Variants in PLCB4 observed in about 807,000 individuals in gnomAD.
PLCB4 encodes phospholipase C beta 4.
Under a neutral mutation model 178.8 loss-of-function variants are expected in PLCB4, and 77 were observed. The ratio of observed to expected loss-of-function variants is 0.43; its 90% CI spans 0.36 to 0.52. PLCB4 has a LOEUF of 0.52. PLCB4 is among the 20% of genes least tolerant of loss of function. The pLI is 0.00. For missense variants in PLCB4, 1,024 were observed against 1,453.4 expected (o/e 0.70, Z 4.80); for synonymous variants, 496 against 490.8 (o/e 1.01, Z -0.14).
At position 9,246,423 on chromosome 20, in the gene PLCB4, A is replaced by G. The variant is rs531605449; in HGVS notation, c.-16+28971A>G. On this transcript the variant is annotated intron_variant, in intron 3 of 39. Coordinates refer to ENST00000378473, the MANE Select transcript of PLCB4 (RefSeq NM_001377142.1). The stretch of plus-strand genomic sequence containing the variant: ...CTCCAGCAGATGTACAAACCCAGCT[A>G]TACCAGATTTGTTTTCTGATGAAAA... 4.0e-4 allele frequency among the ~76,000 whole-genome samples: 61 copies of G among 152,330 alleles called. No individual in the cohort carries two copies. In the South Asian group the frequency reaches 0.013, roughly 32 times the overall value.
Position 9,468,631 on chromosome 20 carries a change from C to T in PLCB4, c.3309C>T (p.Ile1103=). 6.2e-7 allele frequency: 1 copy of T among 1,611,238 alleles called. No individual in the cohort carries two copies. Among genetic ancestry groups the T allele is most frequent in the East Asian group, 2.2e-5 (1 of 44,854 alleles). ...TTTCTATGGAAAATAGCAAAGCCATCAGCCAAGATAAATCTATCAAGAATA... is the reference window on the plus strand; with the variant it reads ...TTTCTATGGAAAATAGCAAAGCCATTAGCCAAGATAAATCTATCAAGAATA... ...AKISMENSKA[I]SQDKSIKNKA... is the part of the protein sequence containing the mutation. Residue 1103 remains isoleucine, a synonymous_variant, in exon 36 of 40, where the codon ATC becomes ATT. Coordinates refer to ENST00000378473, the MANE Select transcript of PLCB4 (RefSeq NM_001377142.1).
At chr20:9,111,922 G>A (rs1242878653) in intron 2 of PLCB4, among the ~76,000 whole-genome samples, 2 of 152,166 alleles carry the variant, frequency 1.3e-5, no homozygotes, top group South Asian at 2.1e-4. Flanking sequence ...TGTATTTAAT[G>A]TGTCTTAAAG....
At chr20:9,305,624 T>C (rs2094756915) in intron 3 of PLCB4, among the ~76,000 whole-genome samples, 1 of 152,190 alleles carries the variant, frequency 6.6e-6, no homozygotes, top group Non-Finnish European at 1.5e-5. Flanking sequence ...ATTTCCCATC[T>C]CTCTCTTATT....
intron 14 of PLCB4, 152 bp from the exon 15 acceptor site, chr20:9,387,311 T>C: frequency 2.0e-6 from 1 of 506,342 alleles, no homozygotes; most frequent in Non-Finnish European, 3.5e-6. Context: ...AATGTGGTTT[T>C]AACCTGTATA....
At chr20:9,136,710 T>TATGACAAGAC (rs2092391266) in intron 2 of PLCB4, among the ~76,000 whole-genome samples, 1 of 152,100 alleles carries the variant, frequency 6.6e-6, no homozygotes, top group Non-Finnish European at 1.5e-5. Context: ...TCGATTCCAA[T>TATGACAAGAC]ATGACAAACA....
rs2044784191 is a variant in PLCB4 at position 9,479,937 on chromosome 20, C to T, written c.*928C>T. The T allele has an allele frequency of 6.6e-6, 1 of 152,296 alleles. No individual in the cohort carries two copies. Among genetic ancestry groups the T allele is most frequent in the Admixed American group, 6.6e-5 (1 of 15,262 alleles). 9.4% of individuals were successfully genotyped at this position (152,296 alleles called of 1,614,324 possible). On this transcript the variant is annotated 3_prime_UTR_variant, in exon 40 of 40. Transcript: ENST00000378473. Reference sequence around the variant, plus strand: ...CAGTTAACCTAATGCCAAATAAATACTGGTTAAATAAATGTATGGCACAGA... The same window carrying T: ...CAGTTAACCTAATGCCAAATAAATATTGGTTAAATAAATGTATGGCACAGA...
chr20:9,477,335 G>T (rs948725238), intron 39 of PLCB4, among the ~76,000 whole-genome samples: 1 of 152,118 alleles, frequency 6.6e-6, no homozygotes, highest in African/African-American at 2.4e-5. Flanking sequence ...TAATATCTAG[G>T]ACTACAGGCA....
intron 1 of PLCB4, among the ~76,000 whole-genome samples, chr20:9,089,677 A>G (rs1600320313): frequency 1.3e-5 from 2 of 152,138 alleles, no homozygotes; most frequent in African/African-American, 2.4e-5. Context: ...TCTGCTTAAT[A>G]TAACTCCTAA....
intron 15 of PLCB4, 32 bp downstream of exon 15, chr20:9,387,588 C>A: frequency 3.8e-6 from 4 of 1,047,266 alleles, no homozygotes; most frequent in Admixed American, 2.0e-5. Flanking sequence ...CAGACTTTTC[C>A]AAACTCTGTG....
intron 3 of PLCB4, among the ~76,000 whole-genome samples, chr20:9,242,932 T>C (rs2094082374): frequency 6.6e-6 from 1 of 152,146 alleles, no homozygotes; most frequent in African/African-American, 2.4e-5. Context: ...GTGGTATTGA[T>C]GGGTTCAAAG....
intron 3 of PLCB4, among the ~76,000 whole-genome samples, chr20:9,303,465 T>A (rs2094728583): frequency 6.6e-6 from 1 of 152,204 alleles, no homozygotes; most frequent in African/African-American, 2.4e-5. Context: ...CTTATTTCAC[T>A]TAGCATAATG....
In PLCB4 at chr20:9,139,790, G is replaced by A. The variant is rs921558978; in HGVS notation, c.-79+43448G>A. On this transcript the variant is annotated intron_variant, in intron 2 of 39. Transcript: ENST00000378473. The stretch of plus-strand genomic sequence containing the variant: ...TTCACGGAAACTTTCATAAGTGTTC[G>A]TCATGAATTGCCTATAGCCTCTGTG... 7.9e-5 allele frequency among the ~76,000 whole-genome samples: 12 copies of A among 152,072 alleles called. No individual in the cohort carries two copies. In the South Asian group the frequency reaches 8.3e-4, roughly 11 times the overall value.
intron 26 of PLCB4, among the ~76,000 whole-genome samples, chr20:9,420,554 C>T (rs1210332799): frequency 6.6e-6 from 1 of 152,086 alleles, no homozygotes; most frequent in Non-Finnish European, 1.5e-5. Context: ...TTCTCAAACT[C>T]CTAACCTCAG....
At chr20:9,270,865 T>A (rs924752790) in intron 3 of PLCB4, among the ~76,000 whole-genome samples, 1 of 152,118 alleles carries the variant, frequency 6.6e-6, no homozygotes, top group African/African-American at 2.4e-5. Flanking sequence ...ATTTGTTGAT[T>A]TCCATACTAT....
intron 26 of PLCB4, 58 bp from the exon 27 acceptor site, chr20:9,421,239 T>C (rs2040610000): frequency 7.6e-7 from 1 of 1,317,524 alleles, no homozygotes; most frequent in Non-Finnish European, 1.0e-6. Context: ...TGATTATTTT[T>C]TGCTACTGAT....
chr20:9,404,300 C>T (rs1318166065), intron 20 of PLCB4, among the ~76,000 whole-genome samples: 1 of 152,092 alleles, frequency 6.6e-6, no homozygotes, highest in Non-Finnish European at 1.5e-5. Flanking sequence ...TAGGCAGATA[C>T]ATTTGGTGAT....
intron 2 of PLCB4, among the ~76,000 whole-genome samples, chr20:9,185,554 C>G (rs2093317705): frequency 6.6e-6 from 1 of 152,162 alleles, no homozygotes; most frequent in Non-Finnish European, 1.5e-5. Context: ...ACTGACCCCT[C>G]TCCGTAGCCT....
At chr20:9,179,704 G>T (rs1234600822) in intron 2 of PLCB4, among the ~76,000 whole-genome samples, 2 of 152,156 alleles carry the variant, frequency 1.3e-5, no homozygotes, top group Non-Finnish European at 2.9e-5. Flanking sequence ...GGGCATTTTA[G>T]CCTCTTTGAG....
intron 7 of PLCB4, among the ~76,000 whole-genome samples, chr20:9,341,659 G>T (rs1433870308): frequency 6.7e-6 from 1 of 149,904 alleles, no homozygotes; most frequent in Non-Finnish European, 1.5e-5. Flanking sequence ...GCACATTGGT[G>T]TAACTTTTAC....
Sources: allele counts gnomAD v4.1 joint callset (sites outside exome capture counted in the v4.1 genomes callset), GRCh38; gene constraint gnomAD v4.1.1; transcripts MANE v1.5; gene names NCBI Gene and HGNC (gene_info 2026-07-23, HGNC 2026-07-21).